Variants in COMMD1 observed in about 807,000 individuals in gnomAD.
The protein encoded by COMMD1 is COMM domain-containing protein 1.
A neutral mutation model predicts 17.2 loss-of-function variants in COMMD1; 10 were observed. The ratio of observed to expected loss-of-function variants is 0.58; its 90% CI spans 0.36 to 0.99. The LOEUF is 0.99. COMMD1 is among the 50% of genes least tolerant of loss of function. The probability of loss-of-function intolerance (pLI) is 0.01; values close to 1 mark genes in which losing one functional copy is unlikely to be tolerated. For synonymous variants in COMMD1, 97 were observed against 91.6 expected, an observed-to-expected ratio of 1.06 and a Z score of -0.34; for missense variants, 270 against 231.8, an observed-to-expected ratio of 1.17 and a Z score of -1.07.
chr2:61,938,797 AT>A (rs1670664807), intron 1 of COMMD1, among the ~76,000 whole-genome samples: 1 of 152,170 alleles, frequency 6.6e-6, no homozygotes, highest in African/African-American at 2.4e-5. Context: ...GAATACCATA[AT>A]TTTGGTTTCC....
intron 1 of COMMD1, among the ~76,000 whole-genome samples, chr2:61,990,177 GGAA>G (rs1020368517): frequency 2.1e-4 from 32 of 152,268 alleles, no homozygotes; most frequent in African/African-American, 7.5e-4. Flanking sequence ...AGCAATGGTA[GGAA>G]GAACAAATGA....
chr2:62,041,736 A>T (rs974925798), intron 2 of COMMD1, among the ~76,000 whole-genome samples: 2 of 152,068 alleles, frequency 1.3e-5, no homozygotes, highest in Non-Finnish European at 2.9e-5. Flanking sequence ...TGAGTGTTAC[A>T]GTTCTTAAAG....
intron 2 of COMMD1, among the ~76,000 whole-genome samples, chr2:62,056,135 C>T (rs1038548932): frequency 3.3e-5 from 5 of 152,160 alleles, no homozygotes; most frequent in Non-Finnish European, 5.9e-5. Context: ...CTACTTGGGT[C>T]AAAGAGTTTG....
At chr2:62,099,698 G>A (rs866654696) in intron 2 of COMMD1, among the ~76,000 whole-genome samples, 2 of 151,846 alleles carry the variant, frequency 1.3e-5, no homozygotes, top group African/African-American at 4.8e-5. Flanking sequence ...CCTCTTACGT[G>A]TCTCAGTTTC....
chr2:61,912,021 CTTATA>C (rs1281781679), intron 1 of COMMD1, among the ~76,000 whole-genome samples: 8 of 152,124 alleles, frequency 5.3e-5, no homozygotes, highest in Non-Finnish European at 7.4e-5. Flanking sequence ...TCTTCCCTGA[CTTATA>C]TTATAAAGAC....
chr2:61,905,181 T>G (rs1397267232), upstream of COMMD1, among the ~76,000 whole-genome samples: 2 of 152,124 alleles, frequency 1.3e-5, no homozygotes, highest in Non-Finnish European at 2.9e-5. Context: ...GACAAGTGTA[T>G]ATAAAAAGGC....
intron 1 of COMMD1, among the ~76,000 whole-genome samples, chr2:61,995,022 T>G (rs1447979347): frequency 6.6e-6 from 1 of 152,214 alleles, no homozygotes. Flanking sequence ...TGTCCTCTCC[T>G]AGGCTCCATT....
intron 1 of COMMD1, among the ~76,000 whole-genome samples, chr2:61,889,302 G>T (rs1460754300): frequency 6.9e-6 from 1 of 145,832 alleles, no homozygotes; most frequent in Admixed American, 7.1e-5. Flanking sequence ...GACCTCCGGG[G>T]CCCAAGCGAT....
At chr2:61,968,962 TTTA>T (rs1448277257) in intron 1 of COMMD1, 16 of 329,316 alleles carry the variant, frequency 4.9e-5, no homozygotes, top group East Asian at 8.5e-5. Flanking sequence ...TTTTTTTTTT[TTTA>T]AAGACAGGAT....
intron 2 of COMMD1, chr2:62,118,924 C>T (rs1203048284): frequency 6.6e-6 from 1 of 152,200 alleles, no homozygotes; most frequent in Non-Finnish European, 1.5e-5. Flanking sequence ...ACCACAAACA[C>T]TTACCAGATG....
intron 1 of COMMD1, among the ~76,000 whole-genome samples, chr2:61,952,663 G>A (rs1449533037): frequency 6.6e-6 from 1 of 152,192 alleles, no homozygotes; most frequent in East Asian, 1.9e-4. Context: ...AGTTCTTGGA[G>A]AGACTGATTT....
chr2:62,059,538 C>CG, intron 2 of COMMD1, among the ~76,000 whole-genome samples: 2 of 152,154 alleles, frequency 1.3e-5, no homozygotes, highest in South Asian at 4.1e-4. Flanking sequence ...TATAGCCTCT[C>CG]CCCATTTTTT....
In COMMD1 at chr2:61,914,658, C is replaced by T. The variant is rs118037440; in HGVS notation, c.180+8800C>T. Among the ~76,000 whole-genome samples the T allele has an allele frequency of 3.0e-3, 457 of 152,118 alleles. 8 individuals are homozygous for T. In the East Asian group the frequency reaches 0.044, roughly 15 times the overall value. On this transcript the variant is annotated intron_variant, in intron 1 of 2. Coordinates refer to ENST00000311832, the MANE Select transcript of COMMD1 (RefSeq NM_152516.4). ...TGTGGTTGGGCGAGGTGGCTCATGC[C>T]TGTATTTCAGCACTTTGATTTGTTT...
At chr2:61,990,739 A>G (rs1176367655) in intron 1 of COMMD1, among the ~76,000 whole-genome samples, 2 of 152,080 alleles carry the variant, frequency 1.3e-5, no homozygotes, top group Non-Finnish European at 2.9e-5. Context: ...CTTATTCACT[A>G]TCGTGGCATG....
At chr2:62,019,298 C>T (rs1233022824) in intron 2 of COMMD1, among the ~76,000 whole-genome samples, 1 of 151,896 alleles carries the variant, frequency 6.6e-6, no homozygotes, top group South Asian at 2.1e-4. Context: ...CTCAGTCTCC[C>T]AAGTACCTGG....
In COMMD1 at chr2:62,064,222, G is replaced by A. The variant is rs138954049; in HGVS notation, c.462+63240G>A. ...CAGAGTTTCACTCTGTCGCCAGGCTGTAGTGCAGTGGCGTGATCTCAGCTC... is the reference window on the plus strand; with the variant it reads ...CAGAGTTTCACTCTGTCGCCAGGCTATAGTGCAGTGGCGTGATCTCAGCTC... On this transcript the variant is annotated intron_variant, in intron 2 of 2. Transcript: ENST00000311832. Among the ~76,000 whole-genome samples, 1,289 of 152,102 alleles carry A rather than the reference G, an allele frequency of 8.5e-3. 21 individuals are homozygous for A. Among genetic ancestry groups the A allele is most frequent in the African/African-American group, 0.03 (1,239 of 41,482 alleles).
At chr2:62,066,208 G>C (rs1364665817) in intron 2 of COMMD1, among the ~76,000 whole-genome samples, 1 of 152,082 alleles carries the variant, frequency 6.6e-6, no homozygotes, top group Admixed American at 6.6e-5. Flanking sequence ...TTCCTAAAAT[G>C]ACCCACAGAT....
chr2:62,033,558 A>G (rs1669964824), intron 2 of COMMD1, among the ~76,000 whole-genome samples: 1 of 152,128 alleles, frequency 6.6e-6, no homozygotes, highest in African/African-American at 2.4e-5. Context: ...AGGCTGGGCA[A>G]CACAGCAAGA....
intron 1 of COMMD1, among the ~76,000 whole-genome samples, chr2:61,908,069 A>G (rs1669816289): frequency 6.6e-6 from 1 of 152,132 alleles, no homozygotes; most frequent in Non-Finnish European, 1.5e-5. Flanking sequence ...GTGGAGTGGC[A>G]TGGCTCTCTT....
Sources: allele counts gnomAD v4.1 joint callset (sites outside exome capture counted in the v4.1 genomes callset), GRCh38; gene constraint gnomAD v4.1.1; transcripts MANE v1.5; gene names NCBI Gene and HGNC (gene_info 2026-07-23, HGNC 2026-07-21).